Variants in FHIT observed in about 807,000 individuals in gnomAD.
FHIT encodes the protein fragile histidine triad diadenosine triphosphatase.
Under a neutral mutation model 17.9 loss-of-function variants are expected in FHIT, and 19 were observed. The ratio of observed to expected loss-of-function variants is 1.06; its 90% CI spans 0.74 to 1.56. FHIT has a LOEUF of 1.56. Ranked by LOEUF, FHIT falls within the 40% of genes most tolerant of loss-of-function variation. The pLI is 0.00. For synonymous variants in FHIT, 81 were observed against 69.7 expected (o/e 1.16, Z -0.81); for missense variants, 248 against 189.2 (o/e 1.31, Z -1.82).
intron 3 of FHIT, among the ~76,000 whole-genome samples, chr3:61,009,754 T>C (rs575013215): frequency 4.8e-4 from 73 of 152,134 alleles, no homozygotes; most frequent in African/African-American, 1.7e-3. Flanking sequence ...AAAATACATA[T>C]CCTGTCTGAT....
intron 5 of FHIT, among the ~76,000 whole-genome samples, chr3:60,471,994 T>G (rs1042389817): frequency 2.6e-5 from 4 of 152,012 alleles, no homozygotes; most frequent in African/African-American, 9.7e-5. Context: ...ACATAGTGAG[T>G]TTTCATCTTT....
At chr3:60,855,520 T>C (rs1703344475) in intron 3 of FHIT, among the ~76,000 whole-genome samples, 1 of 152,124 alleles carries the variant, frequency 6.6e-6, no homozygotes, top group Admixed American at 6.6e-5. Context: ...CTGGGTCCTT[T>C]ATGATATTAC....
At chr3:59,817,562 T>TA (rs10691937) in intron 8 of FHIT, among the ~76,000 whole-genome samples, 5,597 of 93,874 alleles carry the variant, frequency 0.06, 309 homozygotes, top group African/African-American at 0.16. Flanking sequence ...CACCCGTCAC[T>TA]AAAAAAAAAA....
intron 5 of FHIT, among the ~76,000 whole-genome samples, chr3:60,038,738 G>A (rs1009447464): frequency 1.3e-5 from 2 of 152,138 alleles, no homozygotes; most frequent in African/African-American, 4.8e-5. Context: ...TAGAGCAGAA[G>A]AAAGCAACAT....
intron 3 of FHIT, among the ~76,000 whole-genome samples, chr3:60,963,524 G>T (rs916443286): frequency 6.6e-6 from 1 of 151,922 alleles, no homozygotes; most frequent in South Asian, 2.1e-4. Flanking sequence ...GTGATGTTAG[G>T]GTGTCAATTT....
intron 1 of FHIT, among the ~76,000 whole-genome samples, chr3:61,234,800 T>G (rs1444136203): frequency 6.6e-6 from 1 of 152,228 alleles, no homozygotes; most frequent in Non-Finnish European, 1.5e-5. Flanking sequence ...AATACCTGCC[T>G]GCAGATCCAA....
chr3:59,862,461 C>T (rs997466104), intron 8 of FHIT, among the ~76,000 whole-genome samples: 1 of 152,222 alleles, frequency 6.6e-6, no homozygotes, highest in Non-Finnish European at 1.5e-5. Context: ...CCAGCTAAGA[C>T]CAATGACCAT....
Position 60,604,704 on chromosome 3 carries a change from T to C in FHIT, c.-17-67725A>G, listed in dbSNP as rs1430657836. Among the ~76,000 whole-genome samples the C allele has an allele frequency of 4.6e-5, 7 of 152,182 alleles. No individual in the cohort carries two copies. In the East Asian group the frequency reaches 1.3e-3, roughly 29 times the overall value. Reference sequence around the variant, plus strand: ...GGGAAAAAAACCGAGGTTCCCACTCTTGGTGTCCTAAGTGATCAGCCACAG... The same window carrying C: ...GGGAAAAAAACCGAGGTTCCCACTCCTGGTGTCCTAAGTGATCAGCCACAG... On this transcript the variant is annotated intron_variant, in intron 4 of 9. Coordinates refer to ENST00000492590, the MANE Select transcript of FHIT (RefSeq NM_002012.4).
chr3:60,422,061 G>T (rs1702493270), intron 5 of FHIT, among the ~76,000 whole-genome samples: 1 of 152,230 alleles, frequency 6.6e-6, no homozygotes, highest in Non-Finnish European at 1.5e-5. Context: ...CATCTTAAAT[G>T]CCTCTGCATT....
chr3:61,146,203 A>G (rs2037221880), intron 2 of FHIT, among the ~76,000 whole-genome samples: 1 of 152,068 alleles, frequency 6.6e-6, no homozygotes, highest in African/African-American at 2.4e-5. Flanking sequence ...ATGCTGAGCT[A>G]CTGAAACTCT....
At chr3:60,003,488 G>A (rs1464682524) in intron 7 of FHIT, among the ~76,000 whole-genome samples, 3 of 152,078 alleles carry the variant, frequency 2.0e-5, no homozygotes, top group African/African-American at 7.2e-5. Context: ...AAAACAAATG[G>A]TTCCAGAGCA....
chr3:60,797,479 TAG>T (rs1701024674), intron 4 of FHIT, among the ~76,000 whole-genome samples: 2 of 151,104 alleles, frequency 1.3e-5, no homozygotes, highest in African/African-American at 4.9e-5. Context: ...GTAGTAGTAG[TAG>T]TAGTAGTAGT....
intron 4 of FHIT, among the ~76,000 whole-genome samples, chr3:60,784,762 G>C (rs79652124): frequency 0.11 from 16,655 of 152,202 alleles, 1,168 homozygotes; most frequent in African/African-American, 0.19. Context: ...GATGGCATGA[G>C]GAAGTAGGGC....
chr3:60,548,508 A>C (rs1362095589), intron 4 of FHIT, among the ~76,000 whole-genome samples: 2 of 152,200 alleles, frequency 1.3e-5, no homozygotes, highest in Admixed American at 6.5e-5. Context: ...GTGAAATTCT[A>C]ATCAACAGAT....
intron 2 of FHIT, among the ~76,000 whole-genome samples, chr3:61,072,787 C>T (rs1277047961): frequency 2.6e-5 from 4 of 151,984 alleles, no homozygotes; most frequent in Non-Finnish European, 4.4e-5. Flanking sequence ...AAGCTCATGA[C>T]AGAGAGCAGA....
chr3:60,908,504 T>C (rs547588309), intron 3 of FHIT, among the ~76,000 whole-genome samples: 2 of 151,726 alleles, frequency 1.3e-5, no homozygotes, highest in East Asian at 3.9e-4. Context: ...CCTCTTTAAC[T>C]CAACAGAGTA....
intron 7 of FHIT, among the ~76,000 whole-genome samples, chr3:59,959,826 G>A (rs1707580878): frequency 6.6e-6 from 1 of 152,092 alleles, no homozygotes; most frequent in African/African-American, 2.4e-5. Context: ...TTTGGGGTAG[G>A]GTCAGATTTA....
intron 5 of FHIT, among the ~76,000 whole-genome samples, chr3:60,161,728 C>T (rs929631489): frequency 6.6e-6 from 1 of 152,032 alleles, no homozygotes; most frequent in Non-Finnish European, 1.5e-5. Context: ...AATAAACAAG[C>T]AGGTGTGTGC....
chr3:60,001,965 G>C (rs1037698968), intron 7 of FHIT, among the ~76,000 whole-genome samples: 1 of 152,130 alleles, frequency 6.6e-6, no homozygotes, highest in East Asian at 1.9e-4. Context: ...AATATTTTGT[G>C]GGGGAACACG....
Sources: allele counts gnomAD v4.1 joint callset (sites outside exome capture counted in the v4.1 genomes callset), GRCh38; gene constraint gnomAD v4.1.1; transcripts MANE v1.5; gene names NCBI Gene and HGNC (gene_info 2026-07-23, HGNC 2026-07-21).